Variants in HIF1A observed in about 807,000 individuals in gnomAD.
HIF1A encodes hypoxia-inducible factor 1-alpha.
HIF1A carries 24 observed loss-of-function variants against 92.7 expected under a neutral mutation model. The ratio of observed to expected loss-of-function variants is 0.26; its 90% CI spans 0.19 to 0.36. The LOEUF (loss-of-function observed/expected upper bound fraction) is 0.36, where lower values mean the gene tolerates loss of function less well. Among genes scored for constraint, HIF1A ranks in the 10% least tolerant of loss-of-function variants. The pLI is 1.00. For missense variants in HIF1A, 799 were observed against 998.5 expected (o/e 0.80, Z 2.69); for synonymous variants, 319 against 338.7 (o/e 0.94, Z 0.64).
In HIF1A at chr14:61,745,790, C is replaced by G. The variant is rs1594890775; in HGVS notation, c.2302C>G (p.Gln768Glu). ...CKSSEQNGME[Q>E]KTIILIPSDL... ...ATCTAGTGAACAGAATGGAATGGAGCAAAAGACAATTATTTTAATACCCTC... is the reference window on the plus strand; with the variant it reads ...ATCTAGTGAACAGAATGGAATGGAGGAAAAGACAATTATTTTAATACCCTC... Residue 768 changes from glutamine (Q) to glutamate (E), a missense_variant, in exon 14 of 15, where the codon CAA (glutamine) becomes GAA (glutamate). By Grantham distance (29) the Gln-to-Glu change is conservative. Transcript: ENST00000337138. The G allele has an allele frequency of 6.2e-7, 1 of 1,611,526 alleles. No individual in the cohort carries two copies. Among genetic ancestry groups the G allele is most frequent in the Non-Finnish European group, 8.5e-7 (1 of 1,178,140 alleles).
intron 12 of HIF1A, among the ~76,000 whole-genome samples, chr14:61,743,803 G>A (rs1007472805): frequency 6.6e-6 from 1 of 152,170 alleles, no homozygotes; most frequent in Non-Finnish European, 1.5e-5. Context: ...GTTCATGTTT[G>A]ATAACCAGAT....
chr14:61,742,028 T>C (rs567566311), intron 12 of HIF1A, among the ~76,000 whole-genome samples: 106 of 152,304 alleles, frequency 7.0e-4, no homozygotes, highest in Non-Finnish European at 1.2e-3. Flanking sequence ...TATTTTTCAT[T>C]ACGTATTTGT....
intron 1 of HIF1A, among the ~76,000 whole-genome samples, chr14:61,717,759 C>T (rs1315367810): frequency 2.0e-5 from 3 of 152,242 alleles, no homozygotes; most frequent in South Asian, 2.1e-4. Context: ...CATATACTCG[C>T]GCCTGTAATC....
intron 1 of HIF1A, among the ~76,000 whole-genome samples, chr14:61,699,912 A>G (rs765890620): frequency 6.6e-6 from 1 of 152,142 alleles, no homozygotes; most frequent in Non-Finnish European, 1.5e-5. Context: ...AAATAATTAT[A>G]TCTCTTGGTC....
intron 4 of HIF1A, among the ~76,000 whole-genome samples, 180 bp downstream of exon 4, chr14:61,722,003 G>GC (rs1393726605): frequency 6.6e-6 from 1 of 151,858 alleles, no homozygotes; most frequent in Non-Finnish European, 1.5e-5. Context: ...CATTTTGAAA[G>GC]CCCACCTAAT....
intron 5 of HIF1A, 145 bp downstream of exon 5, chr14:61,726,963 T>C (rs2044513476): frequency 3.7e-6 from 2 of 533,846 alleles, no homozygotes; most frequent in Non-Finnish European, 6.6e-6. Context: ...CTCATTTGCA[T>C]GTGATCTCCA....
At chr14:61,735,440 C>T (rs1225721831) in intron 8 of HIF1A, among the ~76,000 whole-genome samples, 1 of 152,162 alleles carries the variant, frequency 6.6e-6, no homozygotes, top group African/African-American at 2.4e-5. Flanking sequence ...CTTCCTCACA[C>T]CCCAGTCTGC....
At chr14:61,735,983 T>G (rs2044631943) in intron 8 of HIF1A, among the ~76,000 whole-genome samples, 2 of 27,856 alleles carry the variant, frequency 7.2e-5, no homozygotes, top group African/African-American at 1.3e-4. Context: ...ATATCTGAAA[T>G]TCTTTTTTTC....
intron 4 of HIF1A, among the ~76,000 whole-genome samples, chr14:61,723,327 A>G (rs915721090): frequency 1.1e-4 from 16 of 152,242 alleles, no homozygotes; most frequent in Admixed American, 7.2e-4. Flanking sequence ...GACAATTTCT[A>G]TTTTACTAGG....
chr14:61,722,840 A>AT (rs1260857778), intron 4 of HIF1A, among the ~76,000 whole-genome samples: 1 of 152,230 alleles, frequency 6.6e-6, no homozygotes, highest in African/African-American at 2.4e-5. Context: ...GTGTTCCAAG[A>AT]TTTTTTGGAA....
intron 2 of HIF1A, 99 bp from the exon 3 acceptor site, chr14:61,721,410 A>G (rs1468853609): frequency 2.1e-6 from 2 of 954,344 alleles, no homozygotes; most frequent in Middle Eastern, 3.1e-4. Context: ...TATATTAAAT[A>G]AAGTGTCTGC....
chr14:61,735,939 C>A (rs530569388), intron 8 of HIF1A, among the ~76,000 whole-genome samples: 1 of 151,986 alleles, frequency 6.6e-6, no homozygotes, highest in Admixed American at 6.6e-5. Flanking sequence ...TACTTGACTA[C>A]AAATTGCCTT....
At position 61,746,392 on chromosome 14, in the gene HIF1A, CTTTTTTTTTT is replaced by C. The variant is rs754879947; in HGVS notation, c.2330-529_2330-520del. On this transcript the variant is annotated intron_variant, in intron 14 of 14. Coordinates refer to ENST00000337138, the MANE Select transcript of HIF1A (RefSeq NM_001530.4). The stretch of plus-strand genomic sequence containing the variant: ...TGAAATTTGTGAACTTTTATGACTT[CTTTTTTTTTT>C]TTTTTTTTTTTTGAGACAGGGTCTC... 1.4e-3 allele frequency among the ~76,000 whole-genome samples: 67 copies of C among 49,484 alleles called. 1 individual carries two copies. The highest frequency in any genetic ancestry group is 3.3e-3 in the Admixed American group (12 of 3,592). The allele number at this position is 49,484 out of a possible 152,430, so 32.5% of individuals were successfully genotyped here.
chr14:61,720,421 A>T lies in HIF1A; in HGVS notation c.75A>T (p.Ala25=), dbSNP rs771986517. 1 of 1,613,076 alleles carries T rather than the reference A, an allele frequency of 6.2e-7. No individual in the cohort carries two copies. Among genetic ancestry groups the T allele is most frequent in the South Asian group, 1.1e-5 (1 of 90,826 alleles). ...GTCGAAAAGAAAAGTCTCGAGATGC[A>T]GCCAGATCTCGGCGAAGTAAAGAAT... ...SERRKEKSRD[A]ARSRRSKESE... The change falls in exon 2 of 15, where the codon GCA becomes GCT. Residue 25 remains alanine, a synonymous_variant. Transcript: ENST00000337138.
intron 7 of HIF1A, among the ~76,000 whole-genome samples, chr14:61,733,179 G>C (rs1363916351): frequency 6.6e-6 from 1 of 152,044 alleles, no homozygotes; most frequent in Non-Finnish European, 1.5e-5. Flanking sequence ...CCCGCCTACC[G>C]GGTTCAAGAG....
intron 6 of HIF1A, among the ~76,000 whole-genome samples, chr14:61,727,933 G>A (rs977734744): frequency 5.9e-5 from 9 of 151,314 alleles, no homozygotes; most frequent in African/African-American, 1.5e-4. Context: ...CAGGAGAATC[G>A]CTTGAACCTG....
intron 1 of HIF1A, among the ~76,000 whole-genome samples, chr14:61,712,437 C>A (rs2044318268): frequency 6.6e-6 from 1 of 151,536 alleles, no homozygotes; most frequent in Non-Finnish European, 1.5e-5. Flanking sequence ...CTAAATGAGG[C>A]AAAAACCATT....
intron 1 of HIF1A, among the ~76,000 whole-genome samples, chr14:61,697,358 T>C (rs1566557535): frequency 1.3e-5 from 2 of 152,230 alleles, no homozygotes; most frequent in Admixed American, 6.5e-5. Context: ...AAAGCTGCTA[T>C]ATTGTAAACC....
chr14:61,700,641 G>T (rs967911355), intron 1 of HIF1A, among the ~76,000 whole-genome samples: 3 of 152,056 alleles, frequency 2.0e-5, no homozygotes, highest in Non-Finnish European at 4.4e-5. Context: ...ACTTTTTTTG[G>T]ATACATATCC....
Sources: gnomAD v4.1 joint callset for allele counts (sites outside exome capture counted in the v4.1 genomes callset) on GRCh38, gnomAD v4.1.1 for gene constraint, MANE v1.5 for transcripts, NCBI Gene and HGNC (gene_info 2026-07-23, HGNC 2026-07-21) for gene names.